The following LRRN1 variants were observed in gnomAD, a reference collection of about 807,000 sequenced individuals.
LRRN1 encodes leucine rich repeat neuronal 1.
Under a neutral mutation model 45.8 loss-of-function variants are expected in LRRN1, and 14 were observed. That is an observed-to-expected ratio of 0.31 (90% CI 0.20 to 0.48). LRRN1 has a LOEUF of 0.48. Ranked by LOEUF, LRRN1 falls within the 20% of genes least tolerant of loss-of-function variation. The pLI is 0.99. For missense variants in LRRN1, 789 were observed against 874.2 expected (o/e 0.90, Z 1.23); for synonymous variants, 359 against 330.1 (o/e 1.09, Z -0.95).
At chr3:3,813,430 A>C (rs1417697089) in intron 1 of LRRN1, among the ~76,000 whole-genome samples, 2 of 152,194 alleles carry the variant, frequency 1.3e-5, no homozygotes. Flanking sequence ...ACTATTACCA[A>C]ATACTTATCA....
intron 1 of LRRN1, among the ~76,000 whole-genome samples, chr3:3,832,245 A>G (rs1438970310): frequency 6.6e-6 from 1 of 151,932 alleles, no homozygotes; most frequent in Non-Finnish European, 1.5e-5. Flanking sequence ...ATTGTTTTTG[A>G]TTTACTATTT....
intron 1 of LRRN1, among the ~76,000 whole-genome samples, chr3:3,825,535 A>C (rs925760423): frequency 6.6e-6 from 1 of 152,184 alleles, no homozygotes; most frequent in Admixed American, 6.5e-5. Flanking sequence ...AAAGAAAATT[A>C]GGGGGAGGAC....
chr3:3,817,600 T>C (rs1457702280), intron 1 of LRRN1, among the ~76,000 whole-genome samples: 2 of 152,210 alleles, frequency 1.3e-5, no homozygotes, highest in Non-Finnish European at 2.9e-5. Flanking sequence ...GCACTTCGTC[T>C]TCTAATTAGG....
intron 1 of LRRN1, among the ~76,000 whole-genome samples, chr3:3,810,244 G>A (rs1033448575): frequency 6.6e-6 from 1 of 152,050 alleles, no homozygotes; most frequent in South Asian, 2.1e-4. Flanking sequence ...AATAGGTTAG[G>A]TTCAGAGATA....
chr3:3,845,210 C>T lies in LRRN1; in HGVS notation c.569C>T (p.Thr190Ile), dbSNP rs147007969. 1,196 of 1,614,180 alleles carry T rather than the reference C, an allele frequency of 7.4e-4. 1 individual carries two copies. The highest frequency in any genetic ancestry group is 8.1e-4 in the Non-Finnish European group (950 of 1,180,032). ...ATTGATAGTCGCTGGTTTGATTCTA[C>T]ACCCAACCTGGAAATTCTCATGATC... ...KVIDSRWFDS[T>I]PNLEILMIGE... The change falls in exon 2 of 2, where the codon ACA becomes ATA. Residue 190 changes from threonine to isoleucine, a missense_variant. By Grantham distance (89) the Thr-to-Ile change is moderately conservative. Transcript: ENST00000319331. The surrounding 1 kb of genome is among the most constrained non-coding windows in gnomAD (Gnocchi z 6.5).
At chr3:3,821,711 G>C (rs1010307591) in intron 1 of LRRN1, among the ~76,000 whole-genome samples, 10 of 152,174 alleles carry the variant, frequency 6.6e-5, no homozygotes, top group African/African-American at 1.9e-4. Flanking sequence ...CAAACAGTAG[G>C]ATGGATTTTT....
chr3:3,834,732 T>G (rs1333204138), intron 1 of LRRN1, among the ~76,000 whole-genome samples: 2 of 149,434 alleles, frequency 1.3e-5, no homozygotes, highest in African/African-American at 4.9e-5. Flanking sequence ...GAACTTGGAG[T>G]CTGATGTTCG....
At chr3:3,811,814 C>T (rs920225577) in intron 1 of LRRN1, among the ~76,000 whole-genome samples, 1 of 152,158 alleles carries the variant, frequency 6.6e-6, no homozygotes, top group Non-Finnish European at 1.5e-5. Flanking sequence ...CTTCCAGACT[C>T]ATTGGGGAGG....
At chr3:3,841,004 TA>T (rs1693640282) in intron 1 of LRRN1, among the ~76,000 whole-genome samples, 1 of 152,104 alleles carries the variant, frequency 6.6e-6, no homozygotes, top group South Asian at 2.1e-4. Flanking sequence ...AATAGAAACA[TA>T]AAAATTAGTT....
chr3:3,846,378 T>C lies in LRRN1; in HGVS notation c.1737T>C (p.His579=). 6.2e-7 allele frequency: 1 copy of C among 1,613,890 alleles called. No homozygotes were observed. Among genetic ancestry groups the C allele is most frequent in the South Asian group, 1.1e-5 (1 of 91,082 alleles). Residue 579 remains histidine (H), a synonymous_variant, in exon 2 of 2, where the codon CAT becomes CAC. Transcript: ENST00000319331. The surrounding 1 kb of genome is among the most constrained non-coding windows in gnomAD (Gnocchi z 5.7). ...TYTARVPVDV[H]EYNLTHLQPS... ...CTGCCAGGGTCCCAGTCGATGTCCA[T>C]GAATACAACCTAACGCATCTGCAGC...
At chr3:3,839,755 G>A (rs1258663877) in intron 1 of LRRN1, among the ~76,000 whole-genome samples, 1 of 152,014 alleles carries the variant, frequency 6.6e-6, no homozygotes, top group African/African-American at 2.4e-5. Context: ...TGTAAATGGG[G>A]TTGTTTCCTT....
intron 1 of LRRN1, among the ~76,000 whole-genome samples, chr3:3,819,571 G>T (rs576940777): frequency 6.6e-6 from 1 of 152,198 alleles, no homozygotes; most frequent in South Asian, 2.1e-4. Flanking sequence ...TTGTCACATG[G>T]TGTTTTTGCT....
Position 3,838,272 on chromosome 3 carries a change from A to C in LRRN1, c.-278-6092A>C, listed in dbSNP as rs181321853. Among the ~76,000 whole-genome samples the C allele has an allele frequency of 1.3e-3, 193 of 152,342 alleles. 1 individual carries two copies. Among genetic ancestry groups the C allele is most frequent in the Admixed American group, 0.01 (160 of 15,302 alleles). On this transcript the variant is annotated intron_variant, in intron 1 of 1. Transcript: ENST00000319331. ...AACTCAAGATAGATTAAAGACTTAA[A>C]TGTAAAACACAAAACTATAAAAACC...
intron 1 of LRRN1, among the ~76,000 whole-genome samples, chr3:3,813,484 G>A (rs151140361): frequency 6.6e-6 from 1 of 152,188 alleles, no homozygotes; most frequent in Non-Finnish European, 1.5e-5. Context: ...TCAGCAAGAT[G>A]CTGAGTTATC....
rs556221039 is a variant in LRRN1, at chr3:3,848,639, G to T, written c.*1847G>T. Among the ~76,000 whole-genome samples, 1 of 152,286 alleles carries T rather than the reference G, an allele frequency of 6.6e-6. No homozygotes were observed. Among genetic ancestry groups the T allele is most frequent in the East Asian group, 1.9e-4 (1 of 5,178 alleles). On this transcript the variant is annotated 3_prime_UTR_variant, in exon 2 of 2. Coordinates refer to ENST00000319331, the MANE Select transcript of LRRN1 (RefSeq NM_020873.7). ...GAATTTCAGATCTTGAAACAAATGA[G>T]CTGCAACAGAAAAATAAGTACCTGA...
chr3:3,836,803 G>A (rs1693527511), intron 1 of LRRN1, among the ~76,000 whole-genome samples: 1 of 152,236 alleles, frequency 6.6e-6, no homozygotes, highest in East Asian at 1.9e-4. Flanking sequence ...ACAGTGGGTG[G>A]GCCTGTCTGT....
rs551915887 is a variant in LRRN1, at chr3:3,849,581, T to A, written c.*2789T>A. ...TGGTTATTATAGGTCACTTTCTAATTTCATATTTTCCCTTTTGCTTTCTGC... is the reference window on the plus strand; with the variant it reads ...TGGTTATTATAGGTCACTTTCTAATATCATATTTTCCCTTTTGCTTTCTGC... On this transcript the variant is annotated 3_prime_UTR_variant, in exon 2 of 2. Coordinates refer to ENST00000319331, the MANE Select transcript of LRRN1 (RefSeq NM_020873.7). 2.0e-5 allele frequency among the ~76,000 whole-genome samples: 3 copies of A among 152,302 alleles called. No individual in the cohort carries two copies. The highest frequency in any genetic ancestry group is 7.2e-5 in the African/African-American group (3 of 41,560).
At position 3,832,188 on chromosome 3, in the gene LRRN1, A is replaced by G. The variant is rs367798985; in HGVS notation, c.-278-12176A>G. On this transcript the variant is annotated intron_variant, in intron 1 of 1. Coordinates refer to ENST00000319331, the MANE Select transcript of LRRN1 (RefSeq NM_020873.7). ...GGAATCACTACCCCTCCGTCTTTCA[A>G]GTCCTTGGTGGTGGCACTAATCTCT... Among the ~76,000 whole-genome samples the G allele has an allele frequency of 2.3e-3, 358 of 152,346 alleles. 5 individuals carry two copies. Among genetic ancestry groups the G allele is most frequent in the African/African-American group, 7.7e-3 (320 of 41,584 alleles).
intron 1 of LRRN1, among the ~76,000 whole-genome samples, chr3:3,833,934 C>T (rs60262162): frequency 8.4e-4 from 128 of 152,284 alleles, no homozygotes; most frequent in African/African-American, 3.0e-3. Flanking sequence ...CAATCAGTGC[C>T]CTCACTTTAA....
Sources: allele counts gnomAD v4.1 joint callset (sites outside exome capture counted in the v4.1 genomes callset), GRCh38; gene constraint gnomAD v4.1.1; non-coding constraint Gnocchi (gnomAD v3.1); transcripts MANE v1.5; gene names NCBI Gene and HGNC (gene_info 2026-07-23, HGNC 2026-07-21).